CSN1S1: variants seen among roughly 807,000 people sequenced by gnomAD.
The protein encoded by CSN1S1 is alpha-S1-casein.
CSN1S1 carries 63 observed loss-of-function variants against 49.1 expected under a neutral mutation model. The observed-to-expected ratio is 1.28, with a 90% CI of 1.05 to 1.58. CSN1S1 has a LOEUF of 1.58. Among genes scored for constraint, CSN1S1 ranks in the 40% most tolerant of loss-of-function variants. The probability of loss-of-function intolerance (pLI) is 0.00; values close to 1 mark genes in which losing one functional copy is unlikely to be tolerated. For missense variants in CSN1S1, 260 were observed against 224.7 expected, an observed-to-expected ratio of 1.16 and a Z score of -1.01; for synonymous variants, 78 against 67.1, an observed-to-expected ratio of 1.16 and a Z score of -0.79.
At chr4:69,933,868 T>C (rs1560385577) in intron 2 of CSN1S1, among the ~76,000 whole-genome samples, 1 of 152,032 alleles carries the variant, frequency 6.6e-6, no homozygotes, top group Non-Finnish European at 1.5e-5. Flanking sequence ...TGGTGTAATA[T>C]ATATAGTTCA....
intron 14 of CSN1S1, among the ~76,000 whole-genome samples, chr4:69,943,979 A>G (rs909920950): frequency 6.6e-6 from 1 of 151,984 alleles, no homozygotes; most frequent in Non-Finnish European, 1.5e-5. Context: ...TTCAAATCAT[A>G]GACACTTATT....
chr4:69,934,102 C>T (rs892529398), intron 2 of CSN1S1, 110 bp from the exon 3 acceptor site: 6 of 709,170 alleles, frequency 8.5e-6, no homozygotes, highest in Admixed American at 2.7e-5. Flanking sequence ...AAAACACATA[C>T]CTTTTGAAAA....
rs571891647 is a variant in CSN1S1, at chr4:69,942,538, G to A, written c.363G>A (p.Glu121=). 1 of 1,585,194 alleles carries A rather than the reference G, an allele frequency of 6.3e-7. No individual in the cohort carries two copies. Among genetic ancestry groups the A allele is most frequent in the South Asian group, 1.2e-5 (1 of 86,938 alleles). The change falls in exon 14 of 16, where the codon GAG becomes GAA. Residue 121 remains glutamate, a splice_region_variant and synonymous_variant. Coordinates refer to ENST00000246891, the MANE Select transcript of CSN1S1 (RefSeq NM_001890.2). ...QLQLQAAHAQ[E]QIRRMNENSH... Reference sequence around the variant, plus strand: ...AGAATGTGTTTCCTTTTATGCAGGAGCAAATTCGCAGAATGAATGAAAACA... The same window carrying A: ...AGAATGTGTTTCCTTTTATGCAGGAACAAATTCGCAGAATGAATGAAAACA...
At position 69,932,570 on chromosome 4, in the gene CSN1S1, T is replaced by G; in HGVS notation, c.15T>G (p.Ile5Met). ...CTCTGATAACCATGAGGCTTCTCATTCTCACCTGTCTTGTGGCTGTTGCTC... is the reference window on the plus strand; with the variant it reads ...CTCTGATAACCATGAGGCTTCTCATGCTCACCTGTCTTGTGGCTGTTGCTC... Reference protein sequence around the residue: MRLLILTCLVAVALA... With the variant: MRLLMLTCLVAVALA... The change falls in exon 2 of 16, where the codon ATT becomes ATG. Residue 5 changes from isoleucine to methionine, a missense_variant. Ile to Met is a conservative substitution (Grantham distance 10). Coordinates refer to ENST00000246891, the MANE Select transcript of CSN1S1 (RefSeq NM_001890.2). 1.2e-6 allele frequency: 2 copies of G among 1,603,964 alleles called. No individual in the cohort carries two copies. The highest frequency in any genetic ancestry group is 1.7e-6 in the Non-Finnish European group (2 of 1,174,188).
rs539149189 is a variant in CSN1S1, at chr4:69,945,506, T to C, written c.557+502T>C. 3.3e-5 allele frequency among the ~76,000 whole-genome samples: 5 copies of C among 152,164 alleles called. No homozygotes were observed. In the East Asian group the frequency reaches 9.7e-4, roughly 30 times the overall value. ...TTATAATCCTGAGGGTGATCAAATATAGTAATCTCTGTTAAGTATATTGTG... is the reference window on the plus strand; with the variant it reads ...TTATAATCCTGAGGGTGATCAAATACAGTAATCTCTGTTAAGTATATTGTG... On this transcript the variant is annotated intron_variant, in intron 15 of 15. Coordinates refer to ENST00000246891, the MANE Select transcript of CSN1S1 (RefSeq NM_001890.2).
chr4:69,942,983 C>T (rs1723023119), intron 14 of CSN1S1, among the ~76,000 whole-genome samples: 1 of 148,950 alleles, frequency 6.7e-6, no homozygotes, highest in Non-Finnish European at 1.5e-5. Context: ...AGCCATGGAA[C>T]ATCCTCCACA....
intron 13 of CSN1S1, 124 bp from the exon 14 acceptor site, chr4:69,942,412 G>A (rs958774440): frequency 7.3e-6 from 6 of 816,726 alleles, no homozygotes; most frequent in Middle Eastern, 3.7e-4. Flanking sequence ...GCTAACTGTG[G>A]CATAGAATAC....
chr4:69,932,126 G>T (rs995003196), intron 1 of CSN1S1, among the ~76,000 whole-genome samples: 2 of 151,948 alleles, frequency 1.3e-5, no homozygotes, highest in East Asian at 1.9e-4. Flanking sequence ...TTAAATTCCA[G>T]TTCTCAGTGG....
At chr4:69,934,496 A>T (rs941903841) in intron 3 of CSN1S1, among the ~76,000 whole-genome samples, 194 bp from the exon 4 acceptor site, 1 of 152,156 alleles carries the variant, frequency 6.6e-6, no homozygotes, top group African/African-American at 2.4e-5. Context: ...GAATGTGTTA[A>T]CATGTTTATT....
chr4:69,946,326 A>T lies in CSN1S1; in HGVS notation c.*130A>T, dbSNP rs1723167034. 5.9e-6 allele frequency: 2 copies of T among 341,568 alleles called. No individual in the cohort carries two copies. Among genetic ancestry groups the T allele is most frequent in the African/African-American group, 2.1e-5 (1 of 47,196 alleles). 21.2% of individuals were successfully genotyped at this position (341,568 alleles called of 1,614,324 possible). On this transcript the variant is annotated 3_prime_UTR_variant, in exon 16 of 16. Transcript: ENST00000246891. ...ATTGTTCTTTTTGAGTTATCTACTT[A>T]ATAGCATATCATTCTTTTTCTTAAG... is the stretch of plus-strand genomic sequence containing the variant.
chr4:69,939,819 G>A (rs907759986), intron 10 of CSN1S1, among the ~76,000 whole-genome samples: 2 of 151,702 alleles, frequency 1.3e-5, no homozygotes, highest in Non-Finnish European at 3.0e-5. Context: ...CAATGTAGTG[G>A]TTAAAGCAGT....
chr4:69,940,579 G>T (rs1345295403), intron 11 of CSN1S1, among the ~76,000 whole-genome samples: 4 of 151,638 alleles, frequency 2.6e-5, no homozygotes, highest in African/African-American at 9.7e-5. Context: ...AATATTAGAT[G>T]ATGTAAAGCA....
intron 9 of CSN1S1, 119 bp from the exon 10 acceptor site, chr4:69,939,057 A>T: frequency 3.3e-6 from 2 of 609,022 alleles, no homozygotes; most frequent in Non-Finnish European, 5.6e-6. Flanking sequence ...ATTTTTCCAT[A>T]CCACTTATTC....
intron 1 of CSN1S1, among the ~76,000 whole-genome samples, chr4:69,931,522 T>C (rs1264934797): frequency 2.0e-5 from 3 of 151,932 alleles, no homozygotes; most frequent in African/African-American, 7.2e-5. Flanking sequence ...GCCATTTTTG[T>C]TTCATGTCAT....
At chr4:69,938,870 TG>T (rs781764722) in intron 9 of CSN1S1, among the ~76,000 whole-genome samples, 4 of 151,762 alleles carry the variant, frequency 2.6e-5, no homozygotes, top group Non-Finnish European at 5.9e-5. Flanking sequence ...GTTTCATTTT[TG>T]TCACAAAAAT....
chr4:69,933,034 T>C (rs1311529897), intron 2 of CSN1S1, among the ~76,000 whole-genome samples: 1 of 151,972 alleles, frequency 6.6e-6, no homozygotes, highest in African/African-American at 2.4e-5. Flanking sequence ...CAATGTATCC[T>C]ACTTTTGGAA....
At chr4:69,939,805 G>A (rs1455745082) in intron 10 of CSN1S1, among the ~76,000 whole-genome samples, 1 of 151,578 alleles carries the variant, frequency 6.6e-6, no homozygotes, top group Non-Finnish European at 1.5e-5. Flanking sequence ...CCCAGCATTC[G>A]GAGCAATGTA....
chr4:69,935,864 C>A (rs796214400), intron 4 of CSN1S1, 62 bp from the exon 5 acceptor site: 6 of 1,071,438 alleles, frequency 5.6e-6, no homozygotes, highest in African/African-American at 3.2e-5. Context: ...AGGACATTAT[C>A]TAAATGATTT....
At chr4:69,931,288 A>G (rs189806839) in intron 1 of CSN1S1, among the ~76,000 whole-genome samples, 171 bp downstream of exon 1, 78 of 152,128 alleles carry the variant, frequency 5.1e-4, no homozygotes, top group South Asian at 2.7e-3. Flanking sequence ...ACCATTTTAC[A>G]GCTTTAGGTG....
Sources: allele counts gnomAD v4.1 joint callset (sites outside exome capture counted in the v4.1 genomes callset), GRCh38; gene constraint gnomAD v4.1.1; transcripts MANE v1.5; gene names NCBI Gene and HGNC (gene_info 2026-07-23, HGNC 2026-07-21).